Variants in PTCHD4 observed in about 807,000 individuals in gnomAD.
The protein encoded by PTCHD4 is patched domain-containing protein 4.
A neutral mutation model predicts 58.1 loss-of-function variants in PTCHD4; 33 were observed. The ratio of observed to expected loss-of-function variants is 0.57; its 90% CI spans 0.43 to 0.76. PTCHD4 has a LOEUF of 0.76. PTCHD4 is among the 30% of genes least tolerant of loss of function. PTCHD4 has a pLI of 0.00. For missense variants in PTCHD4, 1,058 were observed against 1,027.1 expected (o/e 1.03, Z -0.41); for synonymous variants, 478 against 409.6 (o/e 1.17, Z -2.02).
At position 47,918,390 on chromosome 6, in the gene PTCHD4, G is replaced by A. The variant is rs1581876971; in HGVS notation, c.899-38454C>T. ...AGAAAAAAAATCCAGATCAACCTGG[G>A]GAAATACAATGGTGTGGGATCCTGG... On this transcript the variant is annotated intron_variant, in intron 4 of 4. Coordinates refer to ENST00000339488, the MANE Select transcript of PTCHD4 (RefSeq NM_001384253.1). Among the ~76,000 whole-genome samples, 4 of 152,172 alleles carry A rather than the reference G, an allele frequency of 2.6e-5. No homozygotes were observed. In the East Asian group the frequency reaches 7.7e-4, roughly 29 times the overall value.
At chr6:48,105,870 G>A (rs1314028537) in intron 1 of PTCHD4, among the ~76,000 whole-genome samples, 1 of 152,114 alleles carries the variant, frequency 6.6e-6, no homozygotes, top group African/African-American at 2.4e-5. Flanking sequence ...TAAATTCCTT[G>A]ACACATACAC....
chr6:48,018,298 G>A (rs534431389), intron 3 of PTCHD4, among the ~76,000 whole-genome samples: 26 of 152,170 alleles, frequency 1.7e-4, no homozygotes, highest in East Asian at 1.4e-3. Flanking sequence ...AAAAAGTGTC[G>A]CTTACATTAT....
intron 4 of PTCHD4, among the ~76,000 whole-genome samples, chr6:47,884,564 A>C (rs1764123604): frequency 1.3e-5 from 2 of 152,172 alleles, no homozygotes; most frequent in Non-Finnish European, 1.5e-5. Flanking sequence ...GACATGCCCC[A>C]CTGAATGATG....
At chr6:47,922,021 C>G (rs1046492926) in intron 4 of PTCHD4, among the ~76,000 whole-genome samples, 2 of 151,306 alleles carry the variant, frequency 1.3e-5, no homozygotes, top group African/African-American at 4.8e-5. Context: ...TGCCTGAGCC[C>G]CAGTTACTTG....
intron 4 of PTCHD4, among the ~76,000 whole-genome samples, chr6:47,880,887 G>A (rs1223362179): frequency 6.6e-6 from 1 of 152,088 alleles, no homozygotes. Flanking sequence ...AGTAAACAAA[G>A]GTATTATACT....
intron 4 of PTCHD4, among the ~76,000 whole-genome samples, chr6:48,001,141 T>C (rs928446438): frequency 2.6e-5 from 4 of 152,190 alleles, no homozygotes; most frequent in Non-Finnish European, 5.9e-5. Flanking sequence ...TCCATGCTCA[T>C]GGATAGGAAG....
chr6:47,899,514 TA>T, intron 4 of PTCHD4: 2 of 867,976 alleles, frequency 2.3e-6, no homozygotes. Context: ...AAAATGAGTC[TA>T]GTGAGCAAGT....
At chr6:47,944,845 A>G (rs1409367740) in intron 4 of PTCHD4, among the ~76,000 whole-genome samples, 3 of 152,138 alleles carry the variant, frequency 2.0e-5, no homozygotes, top group Non-Finnish European at 2.9e-5. Flanking sequence ...CTCACTTCAC[A>G]GTGCCTGTGG....
intron 1 of PTCHD4, among the ~76,000 whole-genome samples, chr6:48,091,614 T>C: frequency 6.6e-6 from 1 of 150,378 alleles, no homozygotes; most frequent in Non-Finnish European, 1.5e-5. Context: ...TTTCCTTCCT[T>C]CCCTCCCTCC....
chr6:48,032,480 C>T (rs943387885), intron 3 of PTCHD4, among the ~76,000 whole-genome samples: 1 of 151,636 alleles, frequency 6.6e-6, no homozygotes, highest in African/African-American at 2.4e-5. Context: ...TGGGAAGGGA[C>T]ATTTCCAAAA....
In PTCHD4 at chr6:47,871,664, A is replaced by G. The variant is rs1763716317; in HGVS notation, c.*6639T>C. ...AATGAGCATCAAGGAAAGGTGATAA[A>G]TAATATTGCTTTGTGGCTTTAATAT... is the stretch of plus-strand genomic sequence containing the variant. On this transcript the variant is annotated 3_prime_UTR_variant, in exon 5 of 5. Transcript: ENST00000339488. 6.6e-6 allele frequency among the ~76,000 whole-genome samples: 1 copy of G among 151,710 alleles called. No individual in the cohort carries two copies. The highest frequency in any genetic ancestry group is 1.5e-5 in the Non-Finnish European group (1 of 67,762).
intron 3 of PTCHD4, among the ~76,000 whole-genome samples, chr6:48,017,960 A>C (rs895533768): frequency 6.6e-6 from 1 of 152,212 alleles, no homozygotes; most frequent in Non-Finnish European, 1.5e-5. Flanking sequence ...TGTCAGTTTT[A>C]TTATTGGTTA....
chr6:47,967,531 T>C (rs1456560279), intron 4 of PTCHD4, among the ~76,000 whole-genome samples: 5 of 152,210 alleles, frequency 3.3e-5, no homozygotes, highest in African/African-American at 1.2e-4. Flanking sequence ...TCATTGACTT[T>C]TCCTCTTTAG....
chr6:48,010,046 A>G (rs986114950), intron 3 of PTCHD4, among the ~76,000 whole-genome samples: 3 of 152,212 alleles, frequency 2.0e-5, no homozygotes, highest in Non-Finnish European at 4.4e-5. Context: ...AATCTCGAAG[A>G]GCTGTCAACA....
At chr6:47,957,097 G>A (rs1294911918) in intron 4 of PTCHD4, among the ~76,000 whole-genome samples, 13 of 151,576 alleles carry the variant, frequency 8.6e-5, no homozygotes, top group African/African-American at 2.9e-4. Flanking sequence ...CCCTGGAGGC[G>A]GAGGTTGCAG....
At chr6:48,097,873 A>T (rs993247728) in intron 1 of PTCHD4, among the ~76,000 whole-genome samples, 1 of 152,188 alleles carries the variant, frequency 6.6e-6, no homozygotes, top group Non-Finnish European at 1.5e-5. Flanking sequence ...GTGAAATAGG[A>T]TGAGTCTGGC....
At chr6:48,070,557 G>T (rs1031802507) in intron 1 of PTCHD4, among the ~76,000 whole-genome samples, 19 of 152,098 alleles carry the variant, frequency 1.2e-4, no homozygotes, top group African/African-American at 4.6e-4. Flanking sequence ...TGACCTTGGC[G>T]GCCATTCTGT....
At chr6:47,907,512 C>T (rs1212011730) in intron 4 of PTCHD4, among the ~76,000 whole-genome samples, 2 of 152,180 alleles carry the variant, frequency 1.3e-5, no homozygotes, top group African/African-American at 2.4e-5. Context: ...GTTTTAATAG[C>T]ATGGGATGAA....
At chr6:48,055,565 C>G (rs1418164337) in intron 3 of PTCHD4, among the ~76,000 whole-genome samples, 1 of 152,066 alleles carries the variant, frequency 6.6e-6, no homozygotes, top group Non-Finnish European at 1.5e-5. Context: ...AGGCTCACAG[C>G]CTAGAAAGAA....
Sources: gnomAD v4.1 joint callset for allele counts (sites outside exome capture counted in the v4.1 genomes callset) on GRCh38, gnomAD v4.1.1 for gene constraint, MANE v1.5 for transcripts, NCBI Gene and HGNC (gene_info 2026-07-23, HGNC 2026-07-21) for gene names.